Variants in LRRC4C observed in about 807,000 individuals in gnomAD.
LRRC4C encodes the protein leucine rich repeat containing 4C, also known as leucine-rich repeat-containing protein 4C.
LRRC4C carries 5 observed loss-of-function variants against 33.6 expected under a neutral mutation model. That is an observed-to-expected ratio of 0.15 (90% confidence interval 0.08 to 0.31). The LOEUF (loss-of-function observed/expected upper bound fraction) is 0.31. Among genes scored for constraint, LRRC4C ranks in the 10% least tolerant of loss-of-function variants. LRRC4C has a pLI of 1.00. For missense variants in LRRC4C, 560 were observed against 796.7 expected (o/e 0.70, Z 3.58); for synonymous variants, 329 against 302.0 (o/e 1.09, Z -0.93).
At chr11:41,430,627 T>A (rs191355080) in intron 1 of LRRC4C, among the ~76,000 whole-genome samples, 16 of 152,254 alleles carry the variant, frequency 1.1e-4, no homozygotes, top group Non-Finnish European at 2.1e-4. Flanking sequence ...GACTCTATAA[T>A]CATTTGAGCT....
intron 1 of LRRC4C, among the ~76,000 whole-genome samples, chr11:41,243,262 T>G (rs1948323216): frequency 6.6e-6 from 1 of 152,208 alleles, no homozygotes; most frequent in Non-Finnish European, 1.5e-5. Context: ...TAACAATTAT[T>G]TAGGCATTTT....
chr11:41,048,509 C>A (rs1307235808), intron 1 of LRRC4C, among the ~76,000 whole-genome samples: 3 of 152,028 alleles, frequency 2.0e-5, no homozygotes, highest in African/African-American at 7.2e-5. Context: ...GTGATCCACC[C>A]TCCTCGGTCT....
chr11:40,709,470 G>A lies in LRRC4C; in HGVS notation c.-406-61192C>T, dbSNP rs567777356. 5.3e-5 allele frequency among the ~76,000 whole-genome samples: 8 copies of A among 152,170 alleles called. 1 individual carries two copies. The South Asian group carries it at 1.5e-3, about 28-fold the overall frequency. ...ATTTCTCCTTCACTTATGAAGCTTA[G>A]TTTGGCTGGATATGAAATTCTGGGT... On this transcript the variant is annotated intron_variant, in intron 2 of 6. Coordinates refer to ENST00000528697, the MANE Select transcript of LRRC4C (RefSeq NM_001258419.2).
intron 2 of LRRC4C, among the ~76,000 whole-genome samples, chr11:40,838,872 T>C (rs1952793969): frequency 1.3e-5 from 2 of 151,896 alleles, no homozygotes; most frequent in Admixed American, 1.3e-4. Flanking sequence ...AAATCCCTCA[T>C]CCCTAATTCC....
At chr11:40,754,323 G>A (rs1948837009) in intron 2 of LRRC4C, among the ~76,000 whole-genome samples, 1 of 152,018 alleles carries the variant, frequency 6.6e-6, no homozygotes, top group Non-Finnish European at 1.5e-5. Flanking sequence ...TAAGAAGATA[G>A]GAATCTTCAC....
chr11:40,358,710 A>G (rs1947800183), intron 3 of LRRC4C, among the ~76,000 whole-genome samples: 1 of 151,964 alleles, frequency 6.6e-6, no homozygotes, highest in Admixed American at 6.6e-5. Flanking sequence ...ATGTGTGTGC[A>G]CCTGCGGAGA....
chr11:41,091,358 G>C (rs1189106404), intron 1 of LRRC4C, among the ~76,000 whole-genome samples: 1 of 151,890 alleles, frequency 6.6e-6, no homozygotes, highest in African/African-American at 2.4e-5. Context: ...ATCACCTTTA[G>C]GTTAACTACT....
intron 1 of LRRC4C, among the ~76,000 whole-genome samples, chr11:41,152,175 C>A (rs189164899): frequency 6.6e-6 from 1 of 152,166 alleles, no homozygotes; most frequent in Non-Finnish European, 1.5e-5. Context: ...CTCCCAGGGA[C>A]GGCACCAGCC....
At chr11:40,800,390 T>C (rs1039525359) in intron 2 of LRRC4C, among the ~76,000 whole-genome samples, 2 of 152,206 alleles carry the variant, frequency 1.3e-5, no homozygotes, top group African/African-American at 4.8e-5. Context: ...ATGGTGGCCA[T>C]GGATGATATA....
rs115630127 is a variant in LRRC4C at position 41,016,579 on chromosome 11, T to G, written c.-495-82856A>C. Among the ~76,000 whole-genome samples, 734 of 152,286 alleles carry G rather than the reference T, an allele frequency of 4.8e-3. 6 individuals are homozygous for G. Among genetic ancestry groups the G allele is most frequent in the African/African-American group, 0.017 (703 of 41,558 alleles). On this transcript the variant is annotated intron_variant, in intron 1 of 6. Coordinates refer to ENST00000528697, the MANE Select transcript of LRRC4C (RefSeq NM_001258419.2). ...TTACATTGTCCTTTTCATAGCAACA[T>G]GACACTCAGGTGGAATTATTAGAGC...
At chr11:40,721,880 G>A (rs1489033753) in intron 2 of LRRC4C, among the ~76,000 whole-genome samples, 3 of 152,170 alleles carry the variant, frequency 2.0e-5, no homozygotes, top group Non-Finnish European at 4.4e-5. Context: ...GGCAGAGCTT[G>A]CAGTGAGCCA....
intron 6 of LRRC4C, among the ~76,000 whole-genome samples, chr11:40,131,649 T>A (rs1351141316): frequency 6.6e-6 from 1 of 152,138 alleles, no homozygotes; most frequent in African/African-American, 2.4e-5. Context: ...GGATTGAGTG[T>A]TGTGATTTTG....
At chr11:40,820,916 A>G (rs1951903682) in intron 2 of LRRC4C, among the ~76,000 whole-genome samples, 1 of 151,822 alleles carries the variant, frequency 6.6e-6, no homozygotes, top group Non-Finnish European at 1.5e-5. Flanking sequence ...CAAGAAATTC[A>G]CACAAAAAGT....
At chr11:40,969,099 G>A (rs957410192) in intron 1 of LRRC4C, among the ~76,000 whole-genome samples, 1 of 152,112 alleles carries the variant, frequency 6.6e-6, no homozygotes, top group Non-Finnish European at 1.5e-5. Context: ...ATTAACAGGA[G>A]TTTGGAAGAA....
chr11:40,700,308 A>AT lies in LRRC4C; in HGVS notation c.-406-52031dup, dbSNP rs1165805448. ...AGAAACACACGCAGGTTTTTATTGT[A>AT]TTTTTTCATTTATTGTAATATTCAT... On this transcript the variant is annotated intron_variant, in intron 2 of 6. Transcript: ENST00000528697. Among the ~76,000 whole-genome samples the AT allele has an allele frequency of 3.3e-5, 5 of 152,102 alleles. No homozygotes were observed. The East Asian group carries it at 9.7e-4, about 29-fold the overall frequency.
chr11:41,118,974 T>C (rs189141102), intron 1 of LRRC4C, among the ~76,000 whole-genome samples: 31 of 152,306 alleles, frequency 2.0e-4, no homozygotes, highest in Middle Eastern at 3.4e-3. Flanking sequence ...TCTTTTTATT[T>C]GTTAAATTTA....
intron 2 of LRRC4C, among the ~76,000 whole-genome samples, chr11:40,864,683 C>T (rs890095852): frequency 6.6e-6 from 1 of 152,198 alleles, no homozygotes; most frequent in African/African-American, 2.4e-5. Context: ...TAGGCAAAGA[C>T]ATGGCTACCA....
intron 4 of LRRC4C, among the ~76,000 whole-genome samples, chr11:40,261,851 G>T (rs1050373533): frequency 6.6e-6 from 1 of 152,004 alleles, no homozygotes; most frequent in Non-Finnish European, 1.5e-5. Flanking sequence ...ACGGATTAAA[G>T]ACTTAAACGT....
intron 3 of LRRC4C, among the ~76,000 whole-genome samples, chr11:40,432,123 T>G (rs992471615): frequency 1.3e-5 from 2 of 152,112 alleles, no homozygotes; most frequent in Non-Finnish European, 2.9e-5. Flanking sequence ...TTTTACTCTA[T>G]CCACACAACA....
Sources: gnomAD v4.1 joint callset for allele counts (sites outside exome capture counted in the v4.1 genomes callset) on GRCh38, gnomAD v4.1.1 for gene constraint, MANE v1.5 for transcripts, NCBI Gene and HGNC (gene_info 2026-07-23, HGNC 2026-07-21) for gene names.